The following GJC1 variants were observed in gnomAD, a reference collection of about 807,000 sequenced individuals.
GJC1 encodes the protein gap junction gamma-1 protein.
In GJC1, 5 loss-of-function variants were observed where a neutral mutation model predicts 29.3. That is an observed-to-expected ratio of 0.17 (90% confidence interval 0.09 to 0.36). The LOEUF is 0.36. Among genes scored for constraint, GJC1 ranks in the 10% least tolerant of loss-of-function variants. The pLI is 1.00. For synonymous variants in GJC1, 177 were observed against 183.3 expected (o/e 0.97, Z 0.28); for missense variants, 310 against 496.2 (o/e 0.62, Z 3.56).
rs1219387535 is a variant in GJC1 at position 44,798,643 on chromosome 17, A to T, written c.*5984T>A. On this transcript the variant is annotated 3_prime_UTR_variant, in exon 3 of 3. Coordinates refer to ENST00000592524, the MANE Select transcript of GJC1 (RefSeq NM_005497.4). ...TCCAAACTGCACACCACATGACATT[A>T]GATTGCTGGTTAACCATTTAATTTT... 1 of 152,218 alleles carries T rather than the reference A, an allele frequency of 6.6e-6. No homozygotes were observed. Among genetic ancestry groups the T allele is most frequent in the Non-Finnish European group, 1.5e-5 (1 of 68,026 alleles). 9.4% of individuals were successfully genotyped at this position (152,218 alleles called of 1,614,324 possible). A position where few individuals can be genotyped will look rare whatever the true frequency, so the allele number is the denominator to read the frequency against.
chr17:44,831,237 T>C (rs1229247564), upstream of GJC1, among the ~76,000 whole-genome samples: 2 of 152,234 alleles, frequency 1.3e-5, no homozygotes, highest in Admixed American at 1.3e-4. Flanking sequence ...TCTAATGCAC[T>C]GACCAGTTTT....
At chr17:44,820,775 A>G (rs996801800) in intron 1 of GJC1, among the ~76,000 whole-genome samples, 6 of 152,184 alleles carry the variant, frequency 3.9e-5, no homozygotes, top group African/African-American at 1.4e-4. Context: ...CCAGGAATCA[A>G]TTAAAGGGTT....
intron 1 of GJC1, among the ~76,000 whole-genome samples, chr17:44,829,231 G>A (rs1409614648): frequency 6.6e-6 from 1 of 151,778 alleles, no homozygotes; most frequent in Non-Finnish European, 1.5e-5. Context: ...TCAGACAATC[G>A]CAAAAAAAAG....
intron 1 of GJC1, among the ~76,000 whole-genome samples, chr17:44,826,170 C>T (rs985098482): frequency 1.3e-5 from 2 of 152,182 alleles, no homozygotes; most frequent in Non-Finnish European, 2.9e-5. Flanking sequence ...GATCCACCCG[C>T]CTTGGCCTCC....
At chr17:44,829,077 T>C in intron 1 of GJC1, among the ~76,000 whole-genome samples, 1 of 151,214 alleles carries the variant, frequency 6.6e-6, no homozygotes, top group East Asian at 1.9e-4. Context: ...CCTGAACTTA[T>C]TCAAACTTAA....
intron 1 of GJC1, among the ~76,000 whole-genome samples, chr17:44,821,697 C>CAAAAAAAAAAAAA (rs61303163): frequency 3.9e-4 from 23 of 58,356 alleles, no homozygotes; most frequent in African/African-American, 1.2e-3. Context: ...AACTCCGTCT[C>CAAAAAAAAAAAAA]AAAAAAAAAA....
intron 1 of GJC1, among the ~76,000 whole-genome samples, chr17:44,815,150 C>G (rs1250337982): frequency 6.6e-6 from 1 of 151,942 alleles, no homozygotes. Context: ...GGCCAAATAC[C>G]TCAATGTCTT....
At chr17:44,829,604 G>C (rs2050208537) in intron 1 of GJC1, 1 of 152,104 alleles carries the variant, frequency 6.6e-6, no homozygotes, top group Non-Finnish European at 1.5e-5. Flanking sequence ...AGGGATCGAG[G>C]TCGGGGAGAC....
intron 1 of GJC1, among the ~76,000 whole-genome samples, chr17:44,824,167 C>T (rs2050143778): frequency 6.6e-6 from 1 of 151,480 alleles, no homozygotes; most frequent in African/African-American, 2.4e-5. Context: ...GCCACCATGC[C>T]CGGCTAATTT....
rs2049801398 is a variant in GJC1, at chr17:44,798,523, C to T, written c.*6104G>A. Reference sequence around the variant, plus strand: ...GCCCTGAGCACACAGAGTCCGTCTCCACCATGAAAATATTACATAAGCTGT... The same window carrying T: ...GCCCTGAGCACACAGAGTCCGTCTCTACCATGAAAATATTACATAAGCTGT... On this transcript the variant is annotated 3_prime_UTR_variant, in exon 3 of 3. Transcript: ENST00000592524. 1 of 152,176 alleles carries T rather than the reference C, an allele frequency of 6.6e-6. No homozygotes were observed. Among genetic ancestry groups the T allele is most frequent in the Non-Finnish European group, 1.5e-5 (1 of 68,036 alleles). The allele number at this position is 152,176 out of a possible 1,614,324, so 9.4% of individuals were successfully genotyped here. A position where few individuals can be genotyped will look rare whatever the true frequency, so the allele number is the denominator to read the frequency against.
intron 1 of GJC1, among the ~76,000 whole-genome samples, chr17:44,811,196 C>T (rs1255008360): frequency 2.0e-5 from 3 of 152,002 alleles, no homozygotes; most frequent in Non-Finnish European, 4.4e-5. Context: ...ATTCTCCTGC[C>T]TCAGCCCCCC....
intron 2 of GJC1, among the ~76,000 whole-genome samples, chr17:44,806,269 A>C (rs1397056314): frequency 2.6e-5 from 4 of 152,110 alleles, no homozygotes; most frequent in Non-Finnish European, 5.9e-5. Context: ...AGGTCAATTC[A>C]CCTCAGTCAA....
downstream of GJC1, among the ~76,000 whole-genome samples, chr17:44,798,113 C>T (rs184199142): frequency 1.4e-4 from 21 of 152,296 alleles, no homozygotes; most frequent in East Asian, 2.1e-3. Flanking sequence ...CAGCCTCCCC[C>T]GCCAGGCTAC....
intron 1 of GJC1, 143 bp from the exon 2 acceptor site, chr17:44,807,612 T>C (rs1245919808): frequency 5.3e-5 from 8 of 152,168 alleles, no homozygotes; most frequent in African/African-American, 1.9e-4. Context: ...AGGCTTGAGT[T>C]TGAATACCAG....
At chr17:44,797,051 T>C (rs1309577660), downstream of GJC1, among the ~76,000 whole-genome samples, 2 of 152,152 alleles carry the variant, frequency 1.3e-5, no homozygotes, top group Non-Finnish European at 2.9e-5. Context: ...GGTCTCACTA[T>C]GTTGCCCAGA....
upstream of GJC1, chr17:44,830,316 CG>C (rs1275246659): frequency 1.3e-5 from 2 of 152,048 alleles, no homozygotes; most frequent in South Asian, 1.8e-4. This position sits in a 1 kb window ranked among gnomAD's most constrained non-coding sequence, Gnocchi z 4.3. Flanking sequence ...GCGGTGGGGG[CG>C]GGGGCGTCCC....
rs1413184865 is a variant in GJC1 at position 44,799,530 on chromosome 17, C to T, written c.*5097G>A. ...CGAGAACTTTCTTTTATTTGGACTC[C>T]TGATTTTAGAATACCATGGTTTCTT... On this transcript the variant is annotated 3_prime_UTR_variant, in exon 3 of 3. Transcript: ENST00000592524. The T allele has an allele frequency of 6.6e-6, 1 of 151,400 alleles. No homozygotes were observed. The highest frequency in any genetic ancestry group is 1.9e-4 in the East Asian group (1 of 5,184). 9.4% of individuals were successfully genotyped at this position (151,400 alleles called of 1,614,324 possible).
intron 2 of GJC1, among the ~76,000 whole-genome samples, chr17:44,806,915 C>T (rs1433637483): frequency 6.6e-6 from 1 of 152,052 alleles, no homozygotes; most frequent in Middle Eastern, 3.2e-3. Context: ...GGTACAGCTA[C>T]AAACTGCTGG....
At chr17:44,806,945 C>A (rs1256103383) in intron 2 of GJC1, among the ~76,000 whole-genome samples, 1 of 152,080 alleles carries the variant, frequency 6.6e-6, no homozygotes, top group East Asian at 1.9e-4. Context: ...AGAACTAAAA[C>A]AAAAGACAGA....
Sources: gnomAD v4.1 joint callset for allele counts (sites outside exome capture counted in the v4.1 genomes callset) on GRCh38, gnomAD v4.1.1 for gene constraint, Gnocchi (gnomAD v3.1) non-coding constraint, MANE v1.5 for transcripts, NCBI Gene and HGNC (gene_info 2026-07-23, HGNC 2026-07-21) for gene names.